SNX9: variants seen among roughly 807,000 people sequenced by gnomAD.
The protein encoded by SNX9 is sorting nexin 9, also known as sorting nexin-9.
Under a neutral mutation model 89.4 loss-of-function variants are expected in SNX9, and 44 were observed. That is an observed-to-expected ratio of 0.49 (90% CI 0.39 to 0.63). The LOEUF (loss-of-function observed/expected upper bound fraction) is 0.63, where lower values mean the gene tolerates loss of function less well. Among genes scored for constraint, SNX9 ranks in the 30% least tolerant of loss-of-function variants. The pLI, the probability that SNX9 is intolerant of heterozygous loss-of-function variation, is 0.00. For synonymous variants in SNX9, 236 were observed against 247.8 expected (o/e 0.95, Z 0.45); for missense variants, 578 against 736.1 (o/e 0.79, Z 2.49).
chr6:157,823,520 CGCGGGGAGGGTCGGGGCCAGGGGT>C lies in SNX9; in HGVS notation c.12+76_12+99del. ...GCGCGGAGAGGGTCGGGGCCGGGGC[CGCGGGGAGGGTCGGGGCCAGGGGT>C]GGTCGAGGGGCCACTCCGCTTCCTC... On this transcript the variant is annotated intron_variant, in intron 1 of 17. Coordinates refer to ENST00000392185, the MANE Select transcript of SNX9 (RefSeq NM_016224.5). This position sits in a 1 kb window ranked among gnomAD's most constrained non-coding sequence, Gnocchi z 4.6. 1 of 1,132,920 alleles carries C rather than the reference CGCGGGGAGGGTCGGGGCCAGGGGT, an allele frequency of 8.8e-7. No homozygotes were observed. Among genetic ancestry groups the C allele is most frequent in the Non-Finnish European group, 1.1e-6 (1 of 918,870 alleles). 70.2% of individuals were successfully genotyped at this position (1,132,920 alleles called of 1,614,324 possible).
chr6:157,894,732 G>A (rs1782944653), intron 4 of SNX9, among the ~76,000 whole-genome samples: 1 of 152,234 alleles, frequency 6.6e-6, no homozygotes, highest in African/African-American at 2.4e-5. Context: ...CAGCGTGACA[G>A]TTGTCAGAAT....
intron 9 of SNX9, 101 bp from the exon 10 acceptor site, chr6:157,921,430 C>G: frequency 5.7e-6 from 7 of 1,218,060 alleles, no homozygotes; most frequent in Non-Finnish European, 8.0e-6. Flanking sequence ...AGCTTTCTAC[C>G]CAATAGCCAG....
chr6:157,867,567 T>A lies in SNX9; in HGVS notation c.33T>A (p.Phe11Leu), dbSNP rs1209543987. 3 of 1,612,892 alleles carry A rather than the reference T, an allele frequency of 1.9e-6. No individual in the cohort carries two copies. Among genetic ancestry groups the A allele is most frequent in the Non-Finnish European group, 2.5e-6 (3 of 1,179,224 alleles). The change falls in exon 2 of 18, where the codon TTT becomes TTA. Residue 11 changes from phenylalanine to leucine, a missense_variant. Physicochemically the swap from Phe to Leu is conservative, Grantham distance 22. Around this residue, in one of 2 missense-constraint regions of SNX9, gnomAD observed 230 missense variants for 244.7 expected, o/e 0.94. Transcript: ENST00000392185. Reference sequence around the variant, plus strand: ...GATAGGCTCGGGTTATGTATGATTTTGCTGCTGAACCTGGAAATAATGAAC... The same window carrying A: ...GATAGGCTCGGGTTATGTATGATTTAGCTGCTGAACCTGGAAATAATGAAC... MATKARVMYDFAAEPGNNELT... is the reference protein window; with the variant it reads MATKARVMYDLAAEPGNNELT...
intron 17 of SNX9, among the ~76,000 whole-genome samples, chr6:157,942,450 G>C (rs7763211): frequency 0.096 from 14,661 of 152,294 alleles, 755 homozygotes; most frequent in African/African-American, 0.12. Context: ...TACTCCTCCA[G>C]GAAAGAGGGG....
chr6:157,878,173 G>A (rs1050950509), intron 4 of SNX9, among the ~76,000 whole-genome samples: 17 of 152,210 alleles, frequency 1.1e-4, no homozygotes, highest in Admixed American at 4.6e-4. Flanking sequence ...TGTCAAGGCA[G>A]TGTTGCTGCA....
At chr6:157,844,795 G>T (rs560696193) in intron 1 of SNX9, among the ~76,000 whole-genome samples, 2 of 151,786 alleles carry the variant, frequency 1.3e-5, no homozygotes, top group Admixed American at 1.3e-4. Context: ...GCATTTCACC[G>T]TGTTGGTCAG....
intron 4 of SNX9, among the ~76,000 whole-genome samples, chr6:157,882,434 A>G (rs1259797427): frequency 1.3e-5 from 2 of 152,240 alleles, no homozygotes; most frequent in East Asian, 3.8e-4. Context: ...TGGATCGAGG[A>G]GTAATTTTGA....
chr6:157,838,844 C>G (rs1781637938), intron 1 of SNX9, among the ~76,000 whole-genome samples: 1 of 152,186 alleles, frequency 6.6e-6, no homozygotes, highest in Admixed American at 6.5e-5. Context: ...ACTGGTTAAA[C>G]TAAGCCACTC....
At chr6:157,938,519 G>A (rs1183142187) in intron 15 of SNX9, 114 bp from the exon 16 acceptor site, 1 of 619,472 alleles carries the variant, frequency 1.6e-6, no homozygotes, top group African/African-American at 1.8e-5. Context: ...ATTTTGTGGA[G>A]GTATTTCCTG....
At chr6:157,860,330 C>T (rs987848425) in intron 1 of SNX9, among the ~76,000 whole-genome samples, 1 of 152,162 alleles carries the variant, frequency 6.6e-6, no homozygotes, top group Non-Finnish European at 1.5e-5. Context: ...TGCTTGAGCC[C>T]AGGAGTTCAA....
intron 1 of SNX9, among the ~76,000 whole-genome samples, chr6:157,827,491 T>A (rs185210471): frequency 0.069 from 92 of 1,342 alleles, 11 homozygotes; most frequent in East Asian, 0.11. Context: ...ATATATAAAC[T>A]TATAGTTTAT....
intron 4 of SNX9, 110 bp downstream of exon 4, chr6:157,875,286 A>G: frequency 7.1e-7 from 1 of 1,400,326 alleles, no homozygotes; most frequent in Non-Finnish European, 9.4e-7. Flanking sequence ...AAGCAAAAAC[A>G]AAGTCGCTTT....
chr6:157,917,023 A>T (rs1030375780), intron 9 of SNX9, among the ~76,000 whole-genome samples: 1 of 152,238 alleles, frequency 6.6e-6, no homozygotes, highest in Non-Finnish European at 1.5e-5. Flanking sequence ...CACTGAAATC[A>T]TCTGGACCTG....
chr6:157,894,302 G>A (rs1782929684), intron 4 of SNX9, among the ~76,000 whole-genome samples: 1 of 150,662 alleles, frequency 6.6e-6, no homozygotes, highest in Non-Finnish European at 1.5e-5. Flanking sequence ...TAGAGATGGG[G>A]TTTCACCGTG....
intron 4 of SNX9, among the ~76,000 whole-genome samples, chr6:157,876,012 A>G (rs1339502955): frequency 1.3e-5 from 2 of 152,096 alleles, no homozygotes; most frequent in Admixed American, 6.5e-5. Flanking sequence ...AAGAATTAAA[A>G]TATTGTTAAC....
At chr6:157,939,320 G>C (rs1783988735) in intron 16 of SNX9, among the ~76,000 whole-genome samples, 1 of 152,172 alleles carries the variant, frequency 6.6e-6, no homozygotes, top group African/African-American at 2.4e-5. Context: ...TCATGGGCAT[G>C]AAAGAGTAAA....
intron 4 of SNX9, among the ~76,000 whole-genome samples, chr6:157,888,051 G>A (rs750619619): frequency 7.3e-6 from 1 of 137,880 alleles, no homozygotes; most frequent in Non-Finnish European, 1.5e-5. Context: ...AGCACACACC[G>A]GGAGACATTG....
intron 9 of SNX9, among the ~76,000 whole-genome samples, chr6:157,912,784 GAATA>G (rs1783378335): frequency 6.6e-6 from 1 of 152,184 alleles, no homozygotes; most frequent in African/African-American, 2.4e-5. Flanking sequence ...AATATTGAAT[GAATA>G]TAGTTTTATT....
At chr6:157,910,140 T>C (rs1783308848) in intron 9 of SNX9, 115 bp downstream of exon 9, 1 of 786,936 alleles carries the variant, frequency 1.3e-6, no homozygotes, top group Admixed American at 2.0e-5. Flanking sequence ...GATGCAGGAG[T>C]TGGAAACAGT....
Sources: allele counts gnomAD v4.1 joint callset (sites outside exome capture counted in the v4.1 genomes callset), GRCh38; gene constraint gnomAD v4.1.1; regional missense constraint gnomAD v4.1.1; non-coding constraint Gnocchi (gnomAD v3.1); transcripts MANE v1.5; gene names NCBI Gene and HGNC (gene_info 2026-07-23, HGNC 2026-07-21).